Variants in LRMDA observed in about 807,000 individuals in gnomAD.
LRMDA encodes the protein leucine rich melanocyte differentiation associated.
Under a neutral mutation model 29.8 loss-of-function variants are expected in LRMDA, and 18 were observed. The observed-to-expected ratio is 0.60, with a 90% confidence interval of 0.42 to 0.90. The LOEUF (loss-of-function observed/expected upper bound fraction) is 0.90, where lower values mean the gene tolerates loss of function less well. LRMDA is among the 40% of genes least tolerant of loss of function. LRMDA has a pLI of 0.00. For missense variants in LRMDA, 273 were observed against 273.9 expected, an observed-to-expected ratio of 1.00 and a Z score of 0.02; for synonymous variants, 125 against 109.4, an observed-to-expected ratio of 1.14 and a Z score of -0.89.
At chr10:76,493,051 C>T (rs1343829126) in intron 6 of LRMDA, among the ~76,000 whole-genome samples, 1 of 151,970 alleles carries the variant, frequency 6.6e-6, no homozygotes, top group Non-Finnish European at 1.5e-5. Flanking sequence ...GTTCAAGGCC[C>T]CAGGGCTCTA....
intron 2 of LRMDA, among the ~76,000 whole-genome samples, chr10:75,739,568 C>T (rs1349269289): frequency 6.6e-6 from 1 of 152,032 alleles, no homozygotes; most frequent in South Asian, 2.1e-4. Flanking sequence ...TTATCGTTGG[C>T]GGGTTTGACA....
chr10:75,937,575 A>G (rs1846319106), intron 2 of LRMDA, among the ~76,000 whole-genome samples: 1 of 152,200 alleles, frequency 6.6e-6, no homozygotes, highest in Non-Finnish European at 1.5e-5. Context: ...CGAGTTGCCA[A>G]AAGCTCTCCA....
At chr10:75,474,756 C>T (rs1844768472) in intron 2 of LRMDA, among the ~76,000 whole-genome samples, 1 of 152,166 alleles carries the variant, frequency 6.6e-6, no homozygotes, top group Admixed American at 6.5e-5. Flanking sequence ...TTCTTGGGGG[C>T]TGGCCCCTTC....
intron 2 of LRMDA, among the ~76,000 whole-genome samples, chr10:75,778,876 C>G (rs1337075463): frequency 6.6e-6 from 1 of 152,140 alleles, no homozygotes; most frequent in South Asian, 2.1e-4. Flanking sequence ...TAGCTATTAC[C>G]TTGGGCCAGA....
chr10:75,760,337 T>C (rs11001495), intron 2 of LRMDA, among the ~76,000 whole-genome samples: 5,027 of 152,240 alleles, frequency 0.033, 239 homozygotes, highest in East Asian at 0.25. Context: ...GAGTTTACCC[T>C]TCCTAAGTCA....
At chr10:75,754,821 G>A (rs1338428622) in intron 2 of LRMDA, among the ~76,000 whole-genome samples, 4 of 151,704 alleles carry the variant, frequency 2.6e-5, no homozygotes, top group Middle Eastern at 3.4e-3. Context: ...GCCTGTCTGC[G>A]TATCTTCTGA....
At chr10:75,620,018 C>G (rs2132105752) in intron 2 of LRMDA, among the ~76,000 whole-genome samples, 1 of 152,260 alleles carries the variant, frequency 6.6e-6, no homozygotes, top group Non-Finnish European at 1.5e-5. Context: ...GTCATCCACA[C>G]TCATCTTGGG....
At chr10:76,004,568 A>C (rs979458159) in intron 2 of LRMDA, among the ~76,000 whole-genome samples, 4 of 152,138 alleles carry the variant, frequency 2.6e-5, no homozygotes, top group Non-Finnish European at 4.4e-5. Flanking sequence ...CAGACTGGCC[A>C]CCCCCAGGTC....
chr10:75,510,654 G>A (rs1171890648), intron 2 of LRMDA, among the ~76,000 whole-genome samples: 2 of 152,190 alleles, frequency 1.3e-5, no homozygotes, highest in Non-Finnish European at 2.9e-5. Context: ...AGCAAACTCA[G>A]GTTTGCTCTC....
At chr10:76,208,328 G>A (rs1018984855) in intron 5 of LRMDA, among the ~76,000 whole-genome samples, 3 of 152,156 alleles carry the variant, frequency 2.0e-5, no homozygotes, top group African/African-American at 4.8e-5. Flanking sequence ...AGTAGCCTGT[G>A]CTCAGTTTGC....
chr10:76,465,290 C>A (rs1449828366), intron 6 of LRMDA, among the ~76,000 whole-genome samples: 1 of 152,116 alleles, frequency 6.6e-6, no homozygotes, highest in African/African-American at 2.4e-5. Context: ...TAAGGGCTGC[C>A]ATAGAGATTT....
chr10:76,340,885 A>G (rs554366704), intron 6 of LRMDA, among the ~76,000 whole-genome samples: 31 of 152,332 alleles, frequency 2.0e-4, no homozygotes, highest in African/African-American at 7.0e-4. Context: ...GATAATAAGT[A>G]TTTTAGGGAT....
intron 2 of LRMDA, among the ~76,000 whole-genome samples, chr10:75,535,720 A>G (rs925631811): frequency 3.5e-4 from 53 of 152,336 alleles, no homozygotes; most frequent in South Asian, 1.4e-3. Flanking sequence ...AAAATCAGGT[A>G]AGGGCCTTGT....
At chr10:75,508,031 G>C (rs1459706811) in intron 2 of LRMDA, among the ~76,000 whole-genome samples, 4 of 152,078 alleles carry the variant, frequency 2.6e-5, no homozygotes, top group Non-Finnish European at 5.9e-5. Flanking sequence ...AAACGTATAG[G>C]GTTCGTAACT....
chr10:75,437,614 CCTT>C (rs1203707494), intron 1 of LRMDA, among the ~76,000 whole-genome samples: 2 of 152,168 alleles, frequency 1.3e-5, no homozygotes, highest in Non-Finnish European at 2.9e-5. Flanking sequence ...AGTCCACTGA[CCTT>C]CTCACAGGTT....
At chr10:75,833,331 G>A (rs1423619119) in intron 2 of LRMDA, among the ~76,000 whole-genome samples, 3 of 152,214 alleles carry the variant, frequency 2.0e-5, no homozygotes, top group African/African-American at 7.2e-5. Flanking sequence ...ATATTCTAAT[G>A]TCTCTGCCTA....
At chr10:75,682,204 CTG>C (rs1842031016) in intron 2 of LRMDA, among the ~76,000 whole-genome samples, 1 of 152,192 alleles carries the variant, frequency 6.6e-6, no homozygotes, top group Non-Finnish European at 1.5e-5. Flanking sequence ...ACTACTCTAA[CTG>C]TGAACGCTTT....
intron 2 of LRMDA, among the ~76,000 whole-genome samples, chr10:76,032,919 A>G (rs1848174669): frequency 6.6e-6 from 1 of 152,176 alleles, no homozygotes. Flanking sequence ...TTTGCTGTCC[A>G]TACACAAGGT....
At chr10:75,876,377 G>C (rs1365857733) in intron 2 of LRMDA, among the ~76,000 whole-genome samples, 1 of 152,154 alleles carries the variant, frequency 6.6e-6, no homozygotes, top group Non-Finnish European at 1.5e-5. Flanking sequence ...CTGGAGAAGG[G>C]GACAGTAGTG....
Sources: gnomAD v4.1 joint callset for allele counts (sites outside exome capture counted in the v4.1 genomes callset) on GRCh38, gnomAD v4.1.1 for gene constraint, MANE v1.5 for transcripts, NCBI Gene and HGNC (gene_info 2026-07-23, HGNC 2026-07-21) for gene names.